The following FRMPD2 variants were observed in gnomAD, a reference collection of about 807,000 sequenced individuals.
The protein encoded by FRMPD2 is FERM and PDZ domain containing 2.
A neutral mutation model predicts 140.1 loss-of-function variants in FRMPD2; 96 were observed. The ratio of observed to expected loss-of-function variants is 0.69; its 90% CI spans 0.58 to 0.81. FRMPD2 has a LOEUF of 0.81. FRMPD2 is among the 40% of genes least tolerant of loss of function. The pLI is 0.00. For synonymous variants in FRMPD2, 449 were observed against 547.6 expected (o/e 0.82, Z 2.52); for missense variants, 1,240 against 1,447.4 (o/e 0.86, Z 2.32).
chr10:48,208,095 CA>C (rs1259601601), intron 13 of FRMPD2, among the ~76,000 whole-genome samples: 1 of 152,124 alleles, frequency 6.6e-6, no homozygotes, highest in Non-Finnish European at 1.5e-5. Context: ...TATCATCATA[CA>C]AATCAATATT....
intron 9 of FRMPD2, among the ~76,000 whole-genome samples, chr10:48,233,469 G>A (rs1195354689): frequency 6.6e-6 from 1 of 152,182 alleles, no homozygotes; most frequent in African/African-American, 2.4e-5. Context: ...CAGGAAGGCT[G>A]GGAGGCAGGT....
chr10:48,176,745 C>T (rs2132414789), intron 22 of FRMPD2, among the ~76,000 whole-genome samples: 2 of 152,136 alleles, frequency 1.3e-5, no homozygotes, highest in South Asian at 4.1e-4. Flanking sequence ...AAGGCTGTTA[C>T]CCCAAGCCAA....
Position 48,202,505 on chromosome 10 carries a change from T to A in FRMPD2, c.1798-1121A>T, listed in dbSNP as rs138556531. Reference sequence around the variant, plus strand: ...TTCTCTGTATACTCTTTACTTTTACTGACAAGTATAGTGCTAAGCCTCCTT... The same window carrying A: ...TTCTCTGTATACTCTTTACTTTTACAGACAAGTATAGTGCTAAGCCTCCTT... On this transcript the variant is annotated intron_variant, in intron 14 of 28. Coordinates refer to ENST00000374201, the MANE Select transcript of FRMPD2 (RefSeq NM_001018071.4). Among the ~76,000 whole-genome samples the A allele has an allele frequency of 4.8e-3, 735 of 152,376 alleles. 4 individuals carry two copies. Among genetic ancestry groups the A allele is most frequent in the African/African-American group, 0.017 (694 of 41,594 alleles).
rs535329989 is a variant in FRMPD2, at chr10:48,192,787, C to T, written c.2062G>A (p.Val688Ile). Reference protein sequence around the residue: ...RLSCSENELFVSRLQGAAGGL... With the variant: ...RLSCSENELFISRLQGAAGGL... ...CCTGCAGCACCCTGAAGCCTGGATA[C>T]AAACAACTCGTTTTCTGAGCATGAC... The change falls in exon 16 of 29, where the codon GTA becomes ATA. Residue 688 changes from valine (V) to isoleucine (I), a missense_variant. This residue lies in a region of FRMPD2 where 1,161 missense variants were observed against 1,055.9 expected (regional missense o/e 1.10). Transcript: ENST00000374201. 3 of 1,614,000 alleles carry T rather than the reference C, an allele frequency of 1.9e-6. No individual in the cohort carries two copies. The highest frequency in any genetic ancestry group is 1.3e-5 in the African/African-American group (1 of 74,900).
At chr10:48,261,014 T>A (rs755943968) in intron 1 of FRMPD2, among the ~76,000 whole-genome samples, 1 of 152,178 alleles carries the variant, frequency 6.6e-6, no homozygotes, top group Non-Finnish European at 1.5e-5. Context: ...AAGAATGCCT[T>A]TGGTGGGCTC....
At chr10:48,182,494 T>C (rs554455192) in intron 20 of FRMPD2, among the ~76,000 whole-genome samples, 1 of 152,326 alleles carries the variant, frequency 6.6e-6, no homozygotes, top group South Asian at 2.1e-4. Context: ...CCCAGCTGCC[T>C]TAACAGCAGC....
chr10:48,202,992 G>A (rs908616968), intron 14 of FRMPD2, among the ~76,000 whole-genome samples: 4 of 152,080 alleles, frequency 2.6e-5, no homozygotes, highest in South Asian at 4.1e-4. Flanking sequence ...AGAGACAGGG[G>A]TATCGCTCTG....
chr10:48,156,822 C>T lies in FRMPD2; in HGVS notation c.*500G>A, dbSNP rs1837788853. On this transcript the variant is annotated 3_prime_UTR_variant, in exon 29 of 29. Transcript: ENST00000374201. The stretch of plus-strand genomic sequence containing the variant: ...TTGGAACCTCAGTTTTCTCATTTGA[C>T]AAAACTAGATGGTCAAGAAGCGTCT... 4.9e-6 allele frequency: 1 copy of T among 202,668 alleles called. No homozygotes were observed. Among genetic ancestry groups the T allele is most frequent in the African/African-American group, 2.4e-5 (1 of 41,780 alleles). 12.6% of individuals were successfully genotyped at this position (202,668 alleles called of 1,614,324 possible).
rs377718333 is a variant in FRMPD2 at position 48,240,419 on chromosome 10, C to G, written c.641G>C (p.Arg214Pro). 3 of 1,613,444 alleles carry G rather than the reference C, an allele frequency of 1.9e-6. No homozygotes were observed. The African/African-American group carries it at 4.0e-5, about 22-fold the overall frequency. The change falls in exon 6 of 29, where the codon CGT becomes CCT. Residue 214 changes from arginine to proline, a missense_variant. Arg to Pro is a moderately radical substitution (Grantham distance 103, BLOSUM62 -2). Transcript: ENST00000374201. Reference protein sequence around the residue: ...NRSYLLRKRLRGTSSESPAAQ... With the variant: ...NRSYLLRKRLPGTSSESPAAQ... ...CGCTGGGCTCTCGCTGCTTGTCCCA[C>G]GCAGCCTCTTCCTGAGCAGGTAGCT...
intron 10 of FRMPD2, among the ~76,000 whole-genome samples, chr10:48,224,561 A>G (rs978583330): frequency 3.3e-5 from 5 of 152,178 alleles, no homozygotes; most frequent in African/African-American, 1.2e-4. Context: ...GATGCCCCAC[A>G]CGGGACTCAC....
intron 3 of FRMPD2, among the ~76,000 whole-genome samples, chr10:48,247,219 A>G (rs1840270497): frequency 6.6e-6 from 1 of 152,250 alleles, no homozygotes; most frequent in African/African-American, 2.4e-5. Context: ...TGGGCAGAGA[A>G]GTGACTGGGC....
intron 1 of FRMPD2, among the ~76,000 whole-genome samples, chr10:48,255,954 C>A (rs991661158): frequency 3.3e-5 from 5 of 152,210 alleles, no homozygotes; most frequent in African/African-American, 7.2e-5. Flanking sequence ...TGCCCGCAGA[C>A]CTCTTAGGCC....
chr10:48,213,168 C>T (rs1588833534), intron 12 of FRMPD2, among the ~76,000 whole-genome samples: 1 of 152,188 alleles, frequency 6.6e-6, no homozygotes, highest in Admixed American at 6.5e-5. Flanking sequence ...TGTAGCATGT[C>T]CCCATGTGGC....
At chr10:48,184,528 G>T in intron 20 of FRMPD2, 38 bp downstream of exon 20, 1 of 1,269,232 alleles carries the variant, frequency 7.9e-7, no homozygotes, top group South Asian at 1.2e-5. Flanking sequence ...TGAAAACAGG[G>T]GAGCCTCTTA....
intron 24 of FRMPD2, among the ~76,000 whole-genome samples, chr10:48,173,938 G>A (rs1443687384): frequency 3.3e-5 from 5 of 152,166 alleles, no homozygotes; most frequent in Admixed American, 3.3e-4. Flanking sequence ...GGATCCCAGA[G>A]GGACAATTCC....
chr10:48,192,522 G>A (rs1408731911), intron 16 of FRMPD2, among the ~76,000 whole-genome samples, 162 bp downstream of exon 16: 1 of 152,080 alleles, frequency 6.6e-6, no homozygotes, highest in African/African-American at 2.4e-5. Context: ...GGAAGGCTGA[G>A]GTTGCGGTGA....
At chr10:48,242,437 A>C in intron 4 of FRMPD2, 85 bp from the exon 5 acceptor site, 1 of 1,238,404 alleles carries the variant, frequency 8.1e-7, no homozygotes, top group Non-Finnish European at 1.1e-6. Flanking sequence ...GGCCTTGGAG[A>C]CATGGAAACG....
At chr10:48,257,840 C>T (rs1180116564) in intron 1 of FRMPD2, among the ~76,000 whole-genome samples, 8 of 152,190 alleles carry the variant, frequency 5.3e-5, no homozygotes, top group South Asian at 2.1e-4. Context: ...CATCATATTT[C>T]CTGTCTCTTT....
At chr10:48,203,121 A>G (rs987515349) in intron 14 of FRMPD2, among the ~76,000 whole-genome samples, 2 of 152,182 alleles carry the variant, frequency 1.3e-5, no homozygotes, top group African/African-American at 2.4e-5. Context: ...TTAAAATGTA[A>G]TAACTATTTT....
Sources: gnomAD v4.1 joint callset for allele counts (sites outside exome capture counted in the v4.1 genomes callset) on GRCh38, gnomAD v4.1.1 for gene constraint, gnomAD v4.1.1 regional missense constraint, MANE v1.5 for transcripts, NCBI Gene and HGNC (gene_info 2026-07-23, HGNC 2026-07-21) for gene names.